NUP188: variants seen among roughly 807,000 people sequenced by gnomAD.
The protein encoded by NUP188 is nucleoporin 188.
A neutral mutation model predicts 223.0 loss-of-function variants in NUP188; 97 were observed. That is an observed-to-expected ratio of 0.43 (90% CI 0.37 to 0.51). The LOEUF is 0.51. Ranked by LOEUF, NUP188 falls within the 20% of genes least tolerant of loss-of-function variation. The pLI, the probability that NUP188 is intolerant of heterozygous loss-of-function variation, is 0.00. For synonymous variants in NUP188, 869 were observed against 828.0 expected, an observed-to-expected ratio of 1.05 and a Z score of -0.85; for missense variants, 1,947 against 2,175.6, an observed-to-expected ratio of 0.89 and a Z score of 2.09.
rs538551768 is a variant in NUP188 at position 128,960,610 on chromosome 9, A to G, written c.585+1476A>G. On this transcript the variant is annotated intron_variant, in intron 8 of 43. Coordinates refer to ENST00000372577, the MANE Select transcript of NUP188 (RefSeq NM_015354.3). ...AGGAATAAGTTTAGGACAATATAAA[A>G]TTTAAGTGAAGAGAACTTTAAAAAT... is the stretch of plus-strand genomic sequence containing the variant. Among the ~76,000 whole-genome samples the G allele has an allele frequency of 2.4e-3, 358 of 152,292 alleles. 3 individuals carry two copies. Among genetic ancestry groups the G allele is most frequent in the African/African-American group, 8.1e-3 (336 of 41,572 alleles).
At chr9:128,989,122 G>A (rs1842379868) in intron 24 of NUP188, among the ~76,000 whole-genome samples, 1 of 152,020 alleles carries the variant, frequency 6.6e-6, no homozygotes, top group African/African-American at 2.4e-5. Flanking sequence ...GGCTGGGCAT[G>A]GTGGCTCACG....
At chr9:129,002,521 C>CT (rs1842689829) in intron 36 of NUP188, among the ~76,000 whole-genome samples, 1 of 151,824 alleles carries the variant, frequency 6.6e-6, no homozygotes, top group Non-Finnish European at 1.5e-5. Flanking sequence ...TCTAGCCCAG[C>CT]TACCCCTTAG....
intron 38 of NUP188, chr9:129,004,505 TATTTA>T (rs1190905651): frequency 6.6e-6 from 1 of 152,070 alleles, no homozygotes; most frequent in East Asian, 1.9e-4. Context: ...CATCTTATTT[TATTTA>T]TTTATTTATT....
intron 10 of NUP188, 21 bp from the exon 11 acceptor site, chr9:128,970,737 T>C (rs1356243328): frequency 1.9e-6 from 3 of 1,600,048 alleles, no homozygotes; most frequent in Admixed American, 1.7e-5. Flanking sequence ...GAGATGTAGA[T>C]GTGTTTTCTT....
At chr9:128,949,910 T>A (rs532829917) in intron 2 of NUP188, among the ~76,000 whole-genome samples, 1 of 145,338 alleles carries the variant, frequency 6.9e-6, no homozygotes, top group African/African-American at 2.6e-5. Context: ...ATAACAGGCG[T>A]GACGGCCACT....
intron 11 of NUP188, among the ~76,000 whole-genome samples, chr9:128,972,559 A>G (rs1000996837): frequency 6.6e-6 from 1 of 152,204 alleles, no homozygotes; most frequent in Non-Finnish European, 1.5e-5. Context: ...AAATCCATAC[A>G]ATGTACAACA....
intron 10 of NUP188, 31 bp downstream of exon 10, chr9:128,969,545 G>C: frequency 7.9e-7 from 1 of 1,269,986 alleles, no homozygotes. Context: ...TTTTTTCAGA[G>C]GGTTTATAAG....
At chr9:128,956,284 A>G in intron 3 of NUP188, 66 bp from the exon 4 acceptor site, 1 of 969,520 alleles carries the variant, frequency 1.0e-6, no homozygotes, top group South Asian at 1.8e-5. Flanking sequence ...AATATTTTAA[A>G]ATATTTTTAT....
At chr9:128,975,883 G>A (rs1236394046) in intron 12 of NUP188, among the ~76,000 whole-genome samples, 3 of 152,046 alleles carry the variant, frequency 2.0e-5, no homozygotes, top group Admixed American at 1.3e-4. Flanking sequence ...GTACAGTGGC[G>A]TGATTTCAGA....
chr9:128,969,666 GTT>G, intron 10 of NUP188, 152 bp downstream of exon 10: 1 of 521,458 alleles, frequency 1.9e-6, no homozygotes, highest in Non-Finnish European at 3.3e-6. Flanking sequence ...TTTTGTTTTG[GTT>G]TTTTGAGATG....
intron 8 of NUP188, among the ~76,000 whole-genome samples, chr9:128,965,820 A>T (rs568948716): frequency 0.043 from 6,192 of 145,406 alleles, 420 homozygotes; most frequent in African/African-American, 0.14. Flanking sequence ...TTTTTTTTTT[A>T]AATTTTCACT....
At chr9:128,989,505 C>T (rs891234912) in intron 24 of NUP188, among the ~76,000 whole-genome samples, 1 of 152,066 alleles carries the variant, frequency 6.6e-6, no homozygotes, top group Non-Finnish European at 1.5e-5. Context: ...TTGAGACCAG[C>T]CTGGCCAACA....
intron 34 of NUP188, 45 bp from the exon 35 acceptor site, chr9:129,001,484 C>T: frequency 1.9e-6 from 3 of 1,585,542 alleles, no homozygotes; most frequent in South Asian, 1.1e-5. Flanking sequence ...CCTCTTCCTC[C>T]TCCTCTTCTT....
chr9:128,994,517 G>T, intron 28 of NUP188, 75 bp downstream of exon 28: 1 of 980,266 alleles, frequency 1.0e-6, no homozygotes, highest in Non-Finnish European at 1.6e-6. Context: ...AGATGGGGCC[G>T]TAGACAATGA....
intron 16 of NUP188, 94 bp from the exon 17 acceptor site, chr9:128,982,808 G>A: frequency 6.3e-7 from 1 of 1,587,336 alleles, no homozygotes; most frequent in Non-Finnish European, 8.6e-7. Context: ...TCAAGATTGT[G>A]ATTTGTCTGA....
At chr9:128,972,801 C>G (rs146655739) in intron 11 of NUP188, among the ~76,000 whole-genome samples, 114 of 152,208 alleles carry the variant, frequency 7.5e-4, no homozygotes, top group Non-Finnish European at 1.4e-3. Context: ...AGGCCCTACT[C>G]GTTGTCACTG....
chr9:128,958,999 T>G lies in NUP188; in HGVS notation c.466-16T>G. The G allele has an allele frequency of 6.6e-7, 1 of 1,519,104 alleles. No individual in the cohort carries two copies. The allele number at this position is 1,519,104 out of a possible 1,614,324, so 94.1% of individuals were successfully genotyped here. On this transcript the variant is annotated splice_polypyrimidine_tract_variant and intron_variant, in intron 7 of 43. Coordinates refer to ENST00000372577, the MANE Select transcript of NUP188 (RefSeq NM_015354.3). ...CTTTTATTCTAGGTATAATTTACTC[T>G]TTTGATTTTTTAAAGGTTGAATATG...
chr9:128,949,267 G>A lies in NUP188; in HGVS notation c.87+24G>A, dbSNP rs1308862543. On this transcript the variant is annotated intron_variant, in intron 2 of 43. Coordinates refer to ENST00000372577, the MANE Select transcript of NUP188 (RefSeq NM_015354.3). ...TGGTAAGTGGTGGTGTTCTTGAGTG[G>A]GTTCTCTGGGTTCTTTGTGTAGCTT... 5 of 1,557,700 alleles carry A rather than the reference G, an allele frequency of 3.2e-6. No homozygotes were observed. In the Admixed American group the frequency reaches 8.6e-5, roughly 27 times the overall value.
At chr9:128,951,966 A>AT (rs1841795047) in intron 2 of NUP188, among the ~76,000 whole-genome samples, 3 of 151,920 alleles carry the variant, frequency 2.0e-5, no homozygotes, top group Admixed American at 6.6e-5. Flanking sequence ...CTAATTTTGT[A>AT]TTTTTTAGTA....
Sources: allele counts gnomAD v4.1 joint callset (sites outside exome capture counted in the v4.1 genomes callset), GRCh38; gene constraint gnomAD v4.1.1; transcripts MANE v1.5; gene names NCBI Gene and HGNC (gene_info 2026-07-23, HGNC 2026-07-21).